The following ADGRL3 variants were observed in gnomAD, a reference collection of about 807,000 sequenced individuals.
The protein encoded by ADGRL3 is adhesion G protein-coupled receptor L3.
In ADGRL3, 62 loss-of-function variants were observed where a neutral mutation model predicts 153.5. That is an observed-to-expected ratio of 0.40 (90% confidence interval 0.33 to 0.50). ADGRL3 has a LOEUF of 0.50. Among genes scored for constraint, ADGRL3 ranks in the 20% least tolerant of loss-of-function variants. The pLI is 0.47. For synonymous variants in ADGRL3, 710 were observed against 672.5 expected (o/e 1.06, Z -0.86); for missense variants, 1,641 against 1,859.4 (o/e 0.88, Z 2.16).
At chr4:61,891,289 A>G (rs2098583144) in intron 9 of ADGRL3, among the ~76,000 whole-genome samples, 1 of 152,140 alleles carries the variant, frequency 6.6e-6, no homozygotes, top group South Asian at 2.1e-4. Context: ...GTATATGTGG[A>G]AGAAGGAGGG....
At chr4:61,630,402 A>G (rs557434481) in intron 5 of ADGRL3, among the ~76,000 whole-genome samples, 2 of 152,352 alleles carry the variant, frequency 1.3e-5, no homozygotes, top group South Asian at 4.1e-4. Context: ...TGAGAAAGAA[A>G]TATTTTTGGA....
intron 4 of ADGRL3, among the ~76,000 whole-genome samples, chr4:61,527,336 A>G (rs747114998): frequency 1.3e-5 from 2 of 152,094 alleles, no homozygotes; most frequent in African/African-American, 4.8e-5. Context: ...GTGAAGGTAT[A>G]TATTTTGTTG....
At chr4:61,650,473 A>G (rs999155234) in intron 5 of ADGRL3, among the ~76,000 whole-genome samples, 3 of 152,126 alleles carry the variant, frequency 2.0e-5, no homozygotes, top group African/African-American at 4.8e-5. Flanking sequence ...AGGTTTCTCC[A>G]TATTTTTCGT....
intron 5 of ADGRL3, among the ~76,000 whole-genome samples, chr4:61,608,188 C>T (rs1275147359): frequency 6.6e-6 from 1 of 152,172 alleles, no homozygotes; most frequent in Non-Finnish European, 1.5e-5. Context: ...TACCAGCTTC[C>T]CACATTTGCA....
At chr4:61,417,834 C>A (rs2097161252) in intron 2 of ADGRL3, among the ~76,000 whole-genome samples, 1 of 151,910 alleles carries the variant, frequency 6.6e-6, no homozygotes, top group Admixed American at 6.6e-5. Context: ...TAACCTTTGA[C>A]TGCAGCATAG....
intron 9 of ADGRL3, among the ~76,000 whole-genome samples, chr4:61,856,062 G>A (rs941321457): frequency 1.3e-5 from 2 of 152,086 alleles, no homozygotes; most frequent in Non-Finnish European, 2.9e-5. Context: ...GAGGCATGAA[G>A]CAGTCTATCA....
intron 6 of ADGRL3, among the ~76,000 whole-genome samples, chr4:61,711,318 C>T (rs1394418689): frequency 6.6e-6 from 1 of 151,268 alleles, no homozygotes; most frequent in Non-Finnish European, 1.5e-5. Flanking sequence ...GTTTAGTTTG[C>T]AATGTGGAAA....
At chr4:61,547,166 A>G (rs2098717504) in intron 4 of ADGRL3, among the ~76,000 whole-genome samples, 3 of 152,178 alleles carry the variant, frequency 2.0e-5, no homozygotes, top group African/African-American at 7.2e-5. Context: ...TTCTGTATAC[A>G]TACATGTGTC....
At position 61,934,809 on chromosome 4, in the gene ADGRL3, G is replaced by A. The variant is rs769732859; in HGVS notation, c.2113-31G>A. 13 of 1,580,958 alleles carry A rather than the reference G, an allele frequency of 8.2e-6. No individual in the cohort carries two copies. In the East Asian group the frequency reaches 1.3e-4, roughly 16 times the overall value. On this transcript the variant is annotated intron_variant, in intron 13 of 26. Transcript: ENST00000683033. Reference sequence around the variant, plus strand: ...CTGACAGCTATGTGGGTTCACTAGAGACCTCTGTCATTCTTTTCATCCTCT... The same window carrying A: ...CTGACAGCTATGTGGGTTCACTAGAAACCTCTGTCATTCTTTTCATCCTCT...
chr4:61,412,841 C>T (rs1280276640), intron 2 of ADGRL3, among the ~76,000 whole-genome samples: 1 of 152,030 alleles, frequency 6.6e-6, no homozygotes, highest in Admixed American at 6.6e-5. Context: ...TGTAATTGCT[C>T]ATTGGGAAAT....
intron 23 of ADGRL3, among the ~76,000 whole-genome samples, 171 bp from the exon 24 acceptor site, chr4:62,037,560 T>G (rs1725758950): frequency 6.6e-6 from 1 of 152,106 alleles, no homozygotes; most frequent in African/African-American, 2.4e-5. Flanking sequence ...AGCTTGACAG[T>G]ATGAATATAA....
At chr4:61,504,141 C>G (rs543747592) in intron 3 of ADGRL3, among the ~76,000 whole-genome samples, 1 of 152,030 alleles carries the variant, frequency 6.6e-6, no homozygotes, top group Non-Finnish European at 1.5e-5. Context: ...CACAGGCATG[C>G]GCCACCACAC....
rs2099122221 is a variant in ADGRL3, at chr4:61,996,520, T to C, written c.3303+163T>C. 1.3e-5 allele frequency among the ~76,000 whole-genome samples: 2 copies of C among 152,206 alleles called. 1 individual carries two copies. Among genetic ancestry groups the C allele is most frequent in the South Asian group, 4.1e-4 (2 of 4,838 alleles). On this transcript the variant is annotated intron_variant, in intron 20 of 26. Transcript: ENST00000683033. ...TTAAACACTCATTATAGTCTACTTT[T>C]ATGTTGTAAAATGGTTAATCAAAAC... is the stretch of plus-strand genomic sequence containing the variant.
intron 2 of ADGRL3, among the ~76,000 whole-genome samples, chr4:61,453,576 C>T (rs566155064): frequency 1.4e-3 from 216 of 152,060 alleles, no homozygotes; most frequent in Middle Eastern, 3.4e-3. Context: ...TCACTGTAGT[C>T]CACAGATTAA....
At chr4:61,732,725 A>T in intron 7 of ADGRL3, 29 bp from the exon 8 acceptor site, 1 of 1,233,258 alleles carries the variant, frequency 8.1e-7, no homozygotes, top group Non-Finnish European at 1.1e-6. Flanking sequence ...TAATATATTT[A>T]TTTATTTTAA....
intron 21 of ADGRL3, 64 bp downstream of exon 21, chr4:61,998,329 C>A: frequency 2.6e-6 from 2 of 764,782 alleles, no homozygotes; most frequent in South Asian, 2.2e-5. Context: ...ACTATCCTTT[C>A]TATTATATCA....
rs183957788 is a variant in ADGRL3 at position 61,211,731 on chromosome 4, A to G, written c.-240+9966A>G. 1.2e-3 allele frequency: 187 copies of G among 152,338 alleles called. 2 individuals carry two copies. The highest frequency in any genetic ancestry group is 4.3e-3 in the African/African-American group (179 of 41,584). The allele number at this position is 152,338 out of a possible 1,614,324, so 9.4% of individuals were successfully genotyped here. A position where few individuals can be genotyped will look rare whatever the true frequency, so the allele number is the denominator to read the frequency against. On this transcript the variant is annotated intron_variant, in intron 1 of 26. Coordinates refer to ENST00000683033, the MANE Select transcript of ADGRL3 (RefSeq NM_001387552.1). ...GGTTCAAATCTTCAGGTTCATTTCA[A>G]GAGCACCCAAGTTATCTATAAAACT...
Position 61,895,757 on chromosome 4 carries a change from C to T in ADGRL3, c.1810C>T (p.Pro604Ser). The T allele has an allele frequency of 6.2e-7, 1 of 1,600,188 alleles. No homozygotes were observed. The highest frequency in any genetic ancestry group is 8.5e-7 in the Non-Finnish European group (1 of 1,172,170). The change falls in exon 11 of 27, where the codon CCT (proline) becomes TCT (serine). Residue 604 changes from proline to serine, a missense_variant. Physicochemically the swap from Pro to Ser is moderately conservative, Grantham distance 74. This residue lies in a region of ADGRL3 where 734 missense variants were observed against 797.0 expected (regional missense o/e 0.92). Transcript: ENST00000683033. ...TGTATCAACTTATCTATGCCTTGCT[C>T]CTGATGGAATTTGGGATCCCCAAGG... The part of the protein sequence containing the change: ...IGVSTYLCLA[P>S]DGIWDPQGPD...
intron 17 of ADGRL3, among the ~76,000 whole-genome samples, chr4:61,963,729 C>T (rs576063879): frequency 5.6e-4 from 85 of 152,256 alleles, no homozygotes; most frequent in African/African-American, 2.0e-3. Flanking sequence ...AACTTTTAAG[C>T]AGAAAGAATC....
Sources: allele counts gnomAD v4.1 joint callset (sites outside exome capture counted in the v4.1 genomes callset), GRCh38; gene constraint gnomAD v4.1.1; regional missense constraint gnomAD v4.1.1; transcripts MANE v1.5; gene names NCBI Gene and HGNC (gene_info 2026-07-23, HGNC 2026-07-21).